Variants in TRMT44 observed in about 807,000 individuals in gnomAD.
TRMT44 encodes tRNA methyltransferase 44 homolog.
Under a neutral mutation model 77.3 loss-of-function variants are expected in TRMT44, and 78 were observed. That is an observed-to-expected ratio of 1.01 (90% CI 0.84 to 1.22). The LOEUF (loss-of-function observed/expected upper bound fraction) is 1.22, where lower values mean the gene tolerates loss of function less well. Among genes scored for constraint, TRMT44 ranks in the 50% most tolerant of loss-of-function variants. TRMT44 has a pLI of 0.00. For synonymous variants in TRMT44, 391 were observed against 383.3 expected, an observed-to-expected ratio of 1.02 and a Z score of -0.23; for missense variants, 1,090 against 964.4, an observed-to-expected ratio of 1.13 and a Z score of -1.73.
chr4:8,474,206 T>C (rs1187830852), intron 10 of TRMT44, among the ~76,000 whole-genome samples: 1 of 152,118 alleles, frequency 6.6e-6, no homozygotes, highest in Non-Finnish European at 1.5e-5. Flanking sequence ...TTTGGGATCA[T>C]GGGGAGTTGG....
At chr4:8,496,233 G>A (rs184059458), downstream of TRMT44, among the ~76,000 whole-genome samples, 2 of 152,298 alleles carry the variant, frequency 1.3e-5, no homozygotes, top group African/African-American at 2.4e-5. Context: ...TCCCACTGTG[G>A]AGTGTACTTT....
At chr4:8,448,045 C>T (rs1044480391) in intron 2 of TRMT44, among the ~76,000 whole-genome samples, 11 of 152,108 alleles carry the variant, frequency 7.2e-5, no homozygotes, top group Non-Finnish European at 1.3e-4. Flanking sequence ...CATTTCTAGT[C>T]GGCATCGGAG....
chr4:8,471,288 A>C, intron 10 of TRMT44, 88 bp downstream of exon 10: 3 of 930,262 alleles, frequency 3.2e-6, no homozygotes, highest in Non-Finnish European at 3.2e-6. Flanking sequence ...AGTGGTTTAG[A>C]CTCACTGAAG....
intron 10 of TRMT44, among the ~76,000 whole-genome samples, chr4:8,472,102 T>C (rs1247010538): frequency 1.3e-5 from 2 of 152,120 alleles, no homozygotes; most frequent in East Asian, 3.9e-4. Flanking sequence ...CGTGCATCTT[T>C]AAGAATAGTA....
chr4:8,452,827 T>C lies in TRMT44; in HGVS notation c.1024-55T>C, dbSNP rs1000389066. On this transcript the variant is annotated intron_variant, in intron 4 of 10. Transcript: ENST00000389737. This position sits in a 1 kb window ranked among gnomAD's most constrained non-coding sequence, Gnocchi z 5.7. ...CTTTGACCAGTTTGTGTCTAAATTA[T>C]TCTTGCGTAGAGTGAATTACCACCT... is the stretch of plus-strand genomic sequence containing the variant. 10 of 1,030,082 alleles carry C rather than the reference T, an allele frequency of 9.7e-6. No homozygotes were observed. Among genetic ancestry groups the C allele is most frequent in the Admixed American group, 2.5e-5 (1 of 40,234 alleles). 63.8% of individuals were successfully genotyped at this position (1,030,082 alleles called of 1,614,324 possible).
Position 8,446,552 on chromosome 4 carries a change from T to C in TRMT44, c.696T>C (p.Asn232=). 1 of 1,536,254 alleles carries C rather than the reference T, an allele frequency of 6.5e-7. No homozygotes were observed. Among genetic ancestry groups the C allele is most frequent in the Non-Finnish European group, 8.7e-7 (1 of 1,146,868 alleles). ...DEGNLKVKMS[N]VYQIQLSHSK... Reference sequence around the variant, plus strand: ...GGAACCTAAAGGTTAAGATGAGCAATGTGTATCAAATTCAGCTCAGTCATA... The same window carrying C: ...GGAACCTAAAGGTTAAGATGAGCAACGTGTATCAAATTCAGCTCAGTCATA... Residue 232 remains asparagine, a synonymous_variant, in exon 2 of 11, where the codon AAT becomes AAC. Coordinates refer to ENST00000389737, the MANE Select transcript of TRMT44 (RefSeq NM_152544.3). The surrounding 1 kb of genome is among the most constrained non-coding windows in gnomAD (Gnocchi z 4.3).
chr4:8,490,137 TCAG>T (rs1345984428), intron 2 of TRMT44, among the ~76,000 whole-genome samples: 1 of 151,990 alleles, frequency 6.6e-6, no homozygotes, highest in East Asian at 1.9e-4. Flanking sequence ...GCCCAACCAA[TCAG>T]CAGCAGGCAC....
chr4:8,468,587 CTT>C (rs938148467), intron 9 of TRMT44: 3 of 594,788 alleles, frequency 5.0e-6, no homozygotes, highest in African/African-American at 3.7e-5. Flanking sequence ...CCTTAATTAA[CTT>C]TTACCAAACA....
At chr4:8,495,064 C>G (rs1728112030), downstream of TRMT44, among the ~76,000 whole-genome samples, 1 of 152,234 alleles carries the variant, frequency 6.6e-6, no homozygotes, top group Non-Finnish European at 1.5e-5. Context: ...GCTGCCATGG[C>G]TGTTTGGAAC....
intron 2 of TRMT44, among the ~76,000 whole-genome samples, chr4:8,487,145 T>C (rs1037819795): frequency 4.6e-5 from 7 of 152,154 alleles, no homozygotes; most frequent in African/African-American, 1.7e-4. Context: ...GATGGAAAAA[T>C]TGAAAGTGCC....
intron 10 of TRMT44, chr4:8,473,330 G>C (rs1727150522): frequency 6.6e-6 from 1 of 152,412 alleles, no homozygotes; most frequent in Admixed American, 6.5e-5. Flanking sequence ...GCACCGTGCT[G>C]CCGGGTACAC....
chr4:8,489,117 G>T (rs988141623), intron 2 of TRMT44, among the ~76,000 whole-genome samples: 1 of 152,240 alleles, frequency 6.6e-6, no homozygotes, highest in Non-Finnish European at 1.5e-5. Context: ...CTTGGAAGAG[G>T]AGTGGGCTAT....
At chr4:8,474,847 C>G (rs779351980) in intron 10 of TRMT44, among the ~76,000 whole-genome samples, 2 of 152,114 alleles carry the variant, frequency 1.3e-5, no homozygotes, top group Non-Finnish European at 1.5e-5. Context: ...GCGGCGGGGT[C>G]AGGAGGCAGC....
chr4:8,488,653 A>G (rs1727894982), intron 2 of TRMT44, among the ~76,000 whole-genome samples: 2 of 152,236 alleles, frequency 1.3e-5, no homozygotes, highest in African/African-American at 4.8e-5. Flanking sequence ...CCATCTGGGC[A>G]TACACGTGCA....
At chr4:8,508,655 G>A in the TRMT44 span, 5 of 152,466 alleles carry the variant, frequency 3.3e-5, no homozygotes, top group Admixed American at 1.3e-4. Context: ...CGCCTTGGGC[G>A]GCAGATCCCC....
intron 5 of TRMT44, 38 bp downstream of exon 5, chr4:8,453,027 C>A: frequency 7.7e-7 from 1 of 1,303,966 alleles, no homozygotes; most frequent in Non-Finnish European, 1.0e-6. Flanking sequence ...GGTAACTTGT[C>A]CAGAGTTTCC....
downstream of TRMT44, among the ~76,000 whole-genome samples, chr4:8,497,302 C>T (rs1011502582): frequency 6.6e-6 from 1 of 152,222 alleles, no homozygotes; most frequent in African/African-American, 2.4e-5. Context: ...ACAAGCTATG[C>T]ACTATATGAT....
intron 8 of TRMT44, among the ~76,000 whole-genome samples, chr4:8,466,390 G>C (rs992503914): frequency 3.3e-5 from 5 of 152,244 alleles, no homozygotes; most frequent in Non-Finnish European, 5.9e-5. Flanking sequence ...CCGGGTCTCT[G>C]TGGGGGCTGG....
At chr4:8,479,473 G>A (rs989267552), downstream of TRMT44, 1 of 152,064 alleles carries the variant, frequency 6.6e-6, no homozygotes, top group African/African-American at 2.4e-5. Flanking sequence ...GTTGCTTCTG[G>A]ACCAGACGCC....
Sources: gnomAD v4.1 joint callset for allele counts (sites outside exome capture counted in the v4.1 genomes callset) on GRCh38, gnomAD v4.1.1 for gene constraint, Gnocchi (gnomAD v3.1) non-coding constraint, MANE v1.5 for transcripts, NCBI Gene and HGNC (gene_info 2026-07-23, HGNC 2026-07-21) for gene names.